SCN10A: variants seen among roughly 807,000 people sequenced by gnomAD.
SCN10A encodes the protein sodium channel protein type 10 subunit alpha.
Under a neutral mutation model 170.7 loss-of-function variants are expected in SCN10A, and 162 were observed. The ratio of observed to expected loss-of-function variants is 0.95; its 90% CI spans 0.84 to 1.08. SCN10A has a LOEUF of 1.08. SCN10A is among the 50% of genes least tolerant of loss of function. The pLI is 0.00. For synonymous variants in SCN10A, 985 were observed against 904.6 expected, an observed-to-expected ratio of 1.09 and a Z score of -1.59; for missense variants, 2,527 against 2,436.9, an observed-to-expected ratio of 1.04 and a Z score of -0.78.
Position 38,795,500 on chromosome 3 carries a change from C to G in SCN10A, c.-32-1458G>C, listed in dbSNP as rs745542495. Among the ~76,000 whole-genome samples the G allele has an allele frequency of 7.2e-4, 109 of 151,784 alleles. 1 individual carries two copies. The highest frequency in any genetic ancestry group is 2.2e-4 in the Non-Finnish European group (15 of 67,964). The stretch of plus-strand genomic sequence containing the variant: ...GGCTATAGGCACATGTCACCACACT[C>G]GGCTAGTTTTGAAAAAATTTTTTTG... On this transcript the variant is annotated intron_variant, in intron 1 of 27. Coordinates refer to ENST00000449082, the MANE Select transcript of SCN10A (RefSeq NM_006514.4).
At chr3:38,705,322 T>C (rs1371629395) in intron 26 of SCN10A, among the ~76,000 whole-genome samples, 2 of 152,244 alleles carry the variant, frequency 1.3e-5, no homozygotes, top group Non-Finnish European at 2.9e-5. Context: ...AGTGAATTAC[T>C]AATCCACTCT....
chr3:38,731,025 T>A (rs2063508630), intron 15 of SCN10A, among the ~76,000 whole-genome samples: 1 of 152,094 alleles, frequency 6.6e-6, no homozygotes, highest in African/African-American at 2.4e-5. Context: ...TCAGTATATC[T>A]TAAGCATTAT....
At position 38,712,175 on chromosome 3, in the gene SCN10A, C is replaced by T. The variant is rs1415748876; in HGVS notation, c.4075G>A (p.Ala1359Thr). Residue 1359 changes from alanine (A) to threonine (T), a missense_variant, in exon 23 of 28, where the codon GCA becomes ACA. Transcript: ENST00000449082. ...GGTTGACTCACCACCTGCAGAAGTG[C>T]AAGGTAACCCATTGCAACATTATCA... ...NFDNVAMGYL[A>T]LLQVATFKGW... 2 of 1,614,024 alleles carry T rather than the reference C, an allele frequency of 1.2e-6. No individual in the cohort carries two copies. The highest frequency in any genetic ancestry group is 1.1e-5 in the South Asian group (1 of 91,080).
intron 27 of SCN10A, among the ~76,000 whole-genome samples, chr3:38,699,359 A>C (rs1289768209): frequency 6.6e-6 from 1 of 152,020 alleles, no homozygotes; most frequent in African/African-American, 2.4e-5. Flanking sequence ...GTCTAACTTG[A>C]AGATGTTTGA....
chr3:38,717,538 T>A (rs765539315), intron 21 of SCN10A, among the ~76,000 whole-genome samples: 1 of 152,254 alleles, frequency 6.6e-6, no homozygotes, highest in South Asian at 2.1e-4. Context: ...TCACAGCTAA[T>A]CCTTGTGGTA....
At chr3:38,753,869 T>A (rs2063774692) in intron 11 of SCN10A, among the ~76,000 whole-genome samples, 1 of 152,212 alleles carries the variant, frequency 6.6e-6, no homozygotes, top group Non-Finnish European at 1.5e-5. Flanking sequence ...GCTTTAAAAT[T>A]CATCCTCTAA....
chr3:38,701,602 G>C (rs780663065), intron 27 of SCN10A, among the ~76,000 whole-genome samples: 1 of 152,224 alleles, frequency 6.6e-6, no homozygotes, highest in Non-Finnish European at 1.5e-5. Context: ...CACACAGTAG[G>C]TGCCTGAAAA....
chr3:38,752,355 C>A lies in SCN10A; in HGVS notation c.1619G>T (p.Gly540Val). 1 of 1,613,778 alleles carries A rather than the reference C, an allele frequency of 6.2e-7. No homozygotes were observed. Among genetic ancestry groups the A allele is most frequent in the Non-Finnish European group, 8.5e-7 (1 of 1,179,872 alleles). ...HESHRGSLLL[G>V]GGAGQQGPLP... ...GGGGCCTTGCTGGCCAGCACCCCCA[C>A]CCAGCAGCAGAGAGCCCCGATGGCT... Residue 540 changes from glycine to valine, a missense_variant, in exon 12 of 28, where the codon GGT (glycine) becomes GTT (valine). Transcript: ENST00000449082.
intron 13 of SCN10A, among the ~76,000 whole-genome samples, chr3:38,745,443 A>G (rs2063675974): frequency 1.3e-5 from 2 of 152,044 alleles, no homozygotes; most frequent in Non-Finnish European, 2.9e-5. Context: ...GATCCTTCCC[A>G]TTAGCATGCA....
intron 1 of SCN10A, among the ~76,000 whole-genome samples, chr3:38,811,311 G>A (rs1040452108): frequency 2.6e-5 from 4 of 152,056 alleles, no homozygotes; most frequent in East Asian, 3.9e-4. Flanking sequence ...AAATTAGCCA[G>A]GCATGGTGGC....
chr3:38,778,876 G>A (rs537826926), intron 4 of SCN10A, among the ~76,000 whole-genome samples: 9 of 152,060 alleles, frequency 5.9e-5, no homozygotes, highest in South Asian at 4.2e-4. Context: ...TAAATTCCCA[G>A]GATTGTGACC....
At chr3:38,785,176 C>T (rs1283856986) in intron 4 of SCN10A, among the ~76,000 whole-genome samples, 1 of 152,190 alleles carries the variant, frequency 6.6e-6, no homozygotes, top group African/African-American at 2.4e-5. Context: ...ATAGTCAAGA[C>T]AATTCTAAGC....
intron 1 of SCN10A, among the ~76,000 whole-genome samples, chr3:38,796,299 T>C (rs560957820): frequency 1.3e-5 from 2 of 152,296 alleles, no homozygotes; most frequent in South Asian, 4.2e-4. Context: ...AAACATCTAG[T>C]GCTGTTGCTT....
intron 27 of SCN10A, 113 bp from the exon 28 acceptor site, chr3:38,698,675 C>T (rs1459404791): frequency 1.0e-6 from 1 of 965,392 alleles, no homozygotes; most frequent in East Asian, 2.5e-5. Flanking sequence ...TGGGCATCCA[C>T]ATTTGAGGAC....
At position 38,718,690 on chromosome 3, in the gene SCN10A, G is replaced by A. The variant is rs1476670496; in HGVS notation, c.3644C>T (p.Thr1215Ile). Residue 1215 changes from threonine to isoleucine, a missense_variant, in exon 21 of 28, where the codon ACC becomes ATC. Transcript: ENST00000449082. Reference protein sequence around the residue: ...WVAYGFKKYFTNAWCWLDFLI... With the variant: ...WVAYGFKKYFINAWCWLDFLI... The stretch of plus-strand genomic sequence containing the variant: ...GAAGTCCAGCCAGCACCAGGCATTG[G>A]TGAAGTACTTTTTGAAGCCATAGGC... The A allele has an allele frequency of 3.7e-6, 6 of 1,614,206 alleles. No individual in the cohort carries two copies. The highest frequency in any genetic ancestry group is 4.2e-6 in the Non-Finnish European group (5 of 1,180,036).
Position 38,726,647 on chromosome 3 carries a change from C to G in SCN10A, c.3046G>C (p.Asp1016His). The G allele has an allele frequency of 6.2e-7, 1 of 1,602,346 alleles. No individual in the cohort carries two copies. Among genetic ancestry groups the G allele is most frequent in the Non-Finnish European group, 8.5e-7 (1 of 1,170,656 alleles). ...ACTTCCTGCTGGAAGCTCTGAGCAT[C>G]TTCCCCACCATCATCCTCCAAGTCA... is the stretch of plus-strand genomic sequence containing the variant. ...LDDLEDDGGEDAQSFQQEVIP... is the reference protein window; with the variant it reads ...LDDLEDDGGEHAQSFQQEVIP... Residue 1016 changes from aspartate to histidine, a missense_variant, in exon 17 of 28, where the codon GAT (aspartate) becomes CAT (histidine). Coordinates refer to ENST00000449082, the MANE Select transcript of SCN10A (RefSeq NM_006514.4).
chr3:38,730,779 T>G (rs560043632), intron 15 of SCN10A, among the ~76,000 whole-genome samples: 1 of 152,242 alleles, frequency 6.6e-6, no homozygotes, highest in East Asian at 1.9e-4. Flanking sequence ...GGGAGAGAAT[T>G]AGTGAACTGA....
intron 26 of SCN10A, among the ~76,000 whole-genome samples, chr3:38,704,603 G>T (rs2063190559): frequency 6.6e-6 from 1 of 152,188 alleles, no homozygotes; most frequent in African/African-American, 2.4e-5. Flanking sequence ...CTATAAAGTG[G>T]AGTATGTGAG....
chr3:38,708,892 G>A (rs11715513), intron 25 of SCN10A, among the ~76,000 whole-genome samples: 15,763 of 152,228 alleles, frequency 0.1, 1,028 homozygotes, highest in East Asian at 0.31. Flanking sequence ...CTAGAACAGC[G>A]CCTATCTACC....
Sources: allele counts gnomAD v4.1 joint callset (sites outside exome capture counted in the v4.1 genomes callset), GRCh38; gene constraint gnomAD v4.1.1; transcripts MANE v1.5; gene names NCBI Gene and HGNC (gene_info 2026-07-23, HGNC 2026-07-21).